The following SMOC2 variants were observed in gnomAD, a reference collection of about 807,000 sequenced individuals.
SMOC2 encodes SPARC-related modular calcium-binding protein 2.
SMOC2 carries 39 observed loss-of-function variants against 61.4 expected under a neutral mutation model. That is an observed-to-expected ratio of 0.64 (90% CI 0.49 to 0.83). The LOEUF (loss-of-function observed/expected upper bound fraction) is 0.83. SMOC2 is among the 40% of genes least tolerant of loss of function. The probability of loss-of-function intolerance (pLI) is 0.00; values close to 1 mark genes in which losing one functional copy is unlikely to be tolerated. For synonymous variants in SMOC2, 247 were observed against 239.9 expected, an observed-to-expected ratio of 1.03 and a Z score of -0.27; for missense variants, 556 against 592.9, an observed-to-expected ratio of 0.94 and a Z score of 0.65.
At chr6:168,505,043 G>A (rs181669763) in intron 1 of SMOC2, among the ~76,000 whole-genome samples, 7 of 151,770 alleles carry the variant, frequency 4.6e-5, no homozygotes, top group Admixed American at 6.6e-5. Flanking sequence ...CTCAGATACC[G>A]GATGAATGAC....
rs933305824 is a variant in SMOC2 at position 168,535,777 on chromosome 6, G to A, written c.464-7848G>A. Among the ~76,000 whole-genome samples, 1 of 152,200 alleles carries A rather than the reference G, an allele frequency of 6.6e-6. No homozygotes were observed. The highest frequency in any genetic ancestry group is 1.5e-5 in the Non-Finnish European group (1 of 68,042). On this transcript the variant is annotated intron_variant, in intron 4 of 12. Coordinates refer to ENST00000356284, the MANE Select transcript of SMOC2 (RefSeq NM_001166412.2). This position sits in a 1 kb window ranked among gnomAD's most constrained non-coding sequence, Gnocchi z 4.6. ...AGGATGTCAGGAGAGAGGCAGCGCC[G>A]CCGGGGGAAGATGGGAGGGAGACCA...
chr6:168,634,379 G>T (rs1177923717), intron 9 of SMOC2, among the ~76,000 whole-genome samples: 2 of 152,188 alleles, frequency 1.3e-5, no homozygotes, highest in Non-Finnish European at 2.9e-5. Context: ...TGTGCATCAA[G>T]GGTTGGCTGT....
chr6:168,504,307 T>C (rs1198650486), intron 1 of SMOC2, among the ~76,000 whole-genome samples: 1 of 151,136 alleles, frequency 6.6e-6, no homozygotes, highest in East Asian at 1.9e-4. Flanking sequence ...ATCATTACAT[T>C]GTAATATATA....
chr6:168,473,686 C>T (rs1782017751), intron 1 of SMOC2, among the ~76,000 whole-genome samples: 1 of 152,132 alleles, frequency 6.6e-6, no homozygotes, highest in South Asian at 2.1e-4. Flanking sequence ...CTTGTCATCC[C>T]TACTTGGGAG....
intron 9 of SMOC2, among the ~76,000 whole-genome samples, chr6:168,633,328 C>T (rs564893192): frequency 6.6e-6 from 1 of 152,308 alleles, no homozygotes; most frequent in East Asian, 1.9e-4. Flanking sequence ...TTCTTAATTT[C>T]AGTGGACAAA....
intron 9 of SMOC2, among the ~76,000 whole-genome samples, chr6:168,630,724 C>T (rs764694164): frequency 6.6e-6 from 1 of 152,192 alleles, no homozygotes; most frequent in Non-Finnish European, 1.5e-5. Context: ...TTTTTCTCAG[C>T]ATGGAACATC....
intron 9 of SMOC2, among the ~76,000 whole-genome samples, chr6:168,623,766 A>G (rs1786310240): frequency 1.3e-5 from 2 of 152,136 alleles, no homozygotes; most frequent in South Asian, 4.2e-4. Flanking sequence ...AGTCTGGACA[A>G]CATAGAGACC....
Position 168,613,857 on chromosome 6 carries a change from G to C in SMOC2, c.907+5618G>C, listed in dbSNP as rs199889398. 2.9e-4 allele frequency among the ~76,000 whole-genome samples: 19 copies of C among 66,600 alleles called. 1 individual carries two copies. The highest frequency in any genetic ancestry group is 5.4e-4 in the South Asian group (1 of 1,858). 43.7% of individuals were successfully genotyped at this position (66,600 alleles called of 152,430 possible). On this transcript the variant is annotated intron_variant, in intron 9 of 12. Coordinates refer to ENST00000356284, the MANE Select transcript of SMOC2 (RefSeq NM_001166412.2). The stretch of plus-strand genomic sequence containing the variant: ...TTCACACCTACAGCCAGCACAGGGG[G>C]CCTCTTCACACCTACAGCCAGCACA...
chr6:168,522,056 C>T (rs1041178187), intron 2 of SMOC2, among the ~76,000 whole-genome samples: 6 of 152,130 alleles, frequency 3.9e-5, no homozygotes, highest in Admixed American at 1.3e-4. Flanking sequence ...AGGAGATTAA[C>T]ACTTTTATTT....
At chr6:168,549,764 A>C (rs1784087121) in intron 7 of SMOC2, among the ~76,000 whole-genome samples, 1 of 152,230 alleles carries the variant, frequency 6.6e-6, no homozygotes. Context: ...TCACCGGCAT[A>C]TATTTTTAAA....
chr6:168,467,555 G>A (rs570875678), intron 1 of SMOC2, among the ~76,000 whole-genome samples: 102 of 152,136 alleles, frequency 6.7e-4, no homozygotes, highest in Non-Finnish European at 1.2e-3. Context: ...TGATCCACCC[G>A]CCTCGGCCTC....
At chr6:168,620,631 T>C (rs2342639) in intron 9 of SMOC2, among the ~76,000 whole-genome samples, 135,724 of 152,216 alleles carry the variant, frequency 0.89, 60,659 homozygotes, top group Middle Eastern at 0.98. Context: ...ACCCTCACCC[T>C]AGATAGCACC....
chr6:168,613,814 G>C (rs377541830), intron 9 of SMOC2, among the ~76,000 whole-genome samples: 1 of 90,790 alleles, frequency 1.1e-5, no homozygotes. Context: ...TCTTCTCCTA[G>C]AGCCAGCACA....
At chr6:168,470,285 G>A (rs1008881581) in intron 1 of SMOC2, among the ~76,000 whole-genome samples, 3 of 152,152 alleles carry the variant, frequency 2.0e-5, no homozygotes, top group Admixed American at 6.5e-5. Context: ...GTTATAAAGC[G>A]TCTTCACATT....
At chr6:168,495,848 C>T (rs1052882962) in intron 1 of SMOC2, among the ~76,000 whole-genome samples, 5 of 152,186 alleles carry the variant, frequency 3.3e-5, no homozygotes, top group African/African-American at 7.2e-5. Flanking sequence ...CCCACCTGCA[C>T]GGTTCACCCA....
At chr6:168,507,265 T>C (rs376273489) in intron 1 of SMOC2, among the ~76,000 whole-genome samples, 18 of 152,292 alleles carry the variant, frequency 1.2e-4, no homozygotes, top group African/African-American at 4.1e-4. Flanking sequence ...ATTAACAGGA[T>C]TTAGGTTATT....
chr6:168,617,606 G>A (rs1562385898), intron 9 of SMOC2, among the ~76,000 whole-genome samples: 1 of 152,170 alleles, frequency 6.6e-6, no homozygotes, highest in Non-Finnish European at 1.5e-5. Context: ...AAGCTCTCTT[G>A]CATCTCGCTG....
At chr6:168,487,262 C>T (rs748023142) in intron 1 of SMOC2, among the ~76,000 whole-genome samples, 1 of 152,174 alleles carries the variant, frequency 6.6e-6, no homozygotes, top group Non-Finnish European at 1.5e-5. Flanking sequence ...GGGAAAGCTC[C>T]AACTTAAATA....
rs540441652 is a variant in SMOC2, at chr6:168,575,225, T to C, written c.638-23593T>C. On this transcript the variant is annotated intron_variant, in intron 7 of 12. Transcript: ENST00000356284. ...GTGGCTCGCTTTTGCTGCTGAACATTTCAGGCTGTTCTTCTGTGGCTTAAA... is the reference window on the plus strand; with the variant it reads ...GTGGCTCGCTTTTGCTGCTGAACATCTCAGGCTGTTCTTCTGTGGCTTAAA... Among the ~76,000 whole-genome samples the C allele has an allele frequency of 2.6e-5, 4 of 152,270 alleles. No homozygotes were observed. In the South Asian group the frequency reaches 8.3e-4, roughly 32 times the overall value.
Sources: allele counts gnomAD v4.1 joint callset (sites outside exome capture counted in the v4.1 genomes callset), GRCh38; gene constraint gnomAD v4.1.1; non-coding constraint Gnocchi (gnomAD v3.1); transcripts MANE v1.5; gene names NCBI Gene and HGNC (gene_info 2026-07-23, HGNC 2026-07-21).